The following STXBP6 variants were observed in gnomAD, a reference collection of about 807,000 sequenced individuals.
STXBP6 encodes the protein syntaxin binding protein 6, also known as syntaxin-binding protein 6.
In STXBP6, 21 loss-of-function variants were observed where a neutral mutation model predicts 26.9. The ratio of observed to expected loss-of-function variants is 0.78; its 90% CI spans 0.55 to 1.12. STXBP6 has a LOEUF of 1.12. Among genes scored for constraint, STXBP6 ranks in the 50% most tolerant of loss-of-function variants. The pLI is 0.00. For missense variants in STXBP6, 232 were observed against 257.9 expected, an observed-to-expected ratio of 0.90 and a Z score of 0.69; for synonymous variants, 97 against 92.6, an observed-to-expected ratio of 1.05 and a Z score of -0.27.
At chr14:24,997,474 A>C (rs17109468) in intron 1 of STXBP6, among the ~76,000 whole-genome samples, 18,527 of 152,062 alleles carry the variant, frequency 0.12, 1,254 homozygotes, top group African/African-American at 0.19. Context: ...ATATTTTGCA[A>C]CTTCTATCAG....
intron 2 of STXBP6, among the ~76,000 whole-genome samples, chr14:24,964,026 A>G (rs1007761844): frequency 4.7e-5 from 7 of 150,444 alleles, no homozygotes; most frequent in African/African-American, 1.7e-4. Flanking sequence ...TATAATCCAG[A>G]GTGAACGTGT....
chr14:24,947,363 G>A (rs1288658833), intron 2 of STXBP6, among the ~76,000 whole-genome samples: 1 of 152,224 alleles, frequency 6.6e-6, no homozygotes, highest in African/African-American at 2.4e-5. Context: ...AATAGGGACT[G>A]AGAGCACAAC....
intron 1 of STXBP6, among the ~76,000 whole-genome samples, chr14:24,988,521 A>T (rs2074389274): frequency 6.6e-6 from 1 of 152,204 alleles, no homozygotes; most frequent in African/African-American, 2.4e-5. Flanking sequence ...CTACCCTTGA[A>T]ATGTAATTAA....
At chr14:24,885,434 A>G (rs1291599171) in intron 2 of STXBP6, among the ~76,000 whole-genome samples, 2 of 152,224 alleles carry the variant, frequency 1.3e-5, no homozygotes, top group Admixed American at 1.3e-4. Context: ...CAGGCTTGCT[A>G]CAGGAGAGCC....
chr14:24,833,061 C>T lies in STXBP6; in HGVS notation c.452-13867G>A, dbSNP rs372607476. Among the ~76,000 whole-genome samples, 112 of 152,332 alleles carry T rather than the reference C, an allele frequency of 7.4e-4. 1 individual carries two copies. Among genetic ancestry groups the T allele is most frequent in the African/African-American group, 2.6e-3 (107 of 41,576 alleles). On this transcript the variant is annotated intron_variant, in intron 4 of 5. Transcript: ENST00000323944. ...GAATTCCAGTCTGGTTGACTCCAAA[C>T]ATCAGTCTTCTCTTTCATATCATGA...
At chr14:25,042,644 A>C (rs2075662552) in intron 1 of STXBP6, among the ~76,000 whole-genome samples, 1 of 152,230 alleles carries the variant, frequency 6.6e-6, no homozygotes, top group Non-Finnish European at 1.5e-5. Context: ...TTCCGAAGCC[A>C]TCTTCTCTAA....
Position 24,855,873 on chromosome 14 carries a change from C to T in STXBP6, c.451+63G>A, listed in dbSNP as rs958106762. The T allele has an allele frequency of 6.7e-6, 10 of 1,488,516 alleles. No homozygotes were observed. The African/African-American group carries it at 1.3e-4, about 19-fold the overall frequency. 92.2% of individuals were successfully genotyped at this position (1,488,516 alleles called of 1,614,324 possible). On this transcript the variant is annotated intron_variant, in intron 4 of 5. Transcript: ENST00000323944. ...TTTAATTATGCTGCTGAACTCCTAA[C>T]TTCTTAAGTAAAAGTGAGTCTAAAG...
At chr14:24,899,780 C>CAAAAAAAAAAAAAAAAAAAAAAAAAAAA (rs58367371) in intron 2 of STXBP6, among the ~76,000 whole-genome samples, 1 of 46,876 alleles carries the variant, frequency 2.1e-5, no homozygotes. Flanking sequence ...GACTACATTT[C>CAAAAAAAAAAAAAAAAAAAAAAAAAAAA]AAAAAAAAAA....
chr14:24,996,798 T>C (rs1595280219), intron 1 of STXBP6, among the ~76,000 whole-genome samples: 1 of 134,346 alleles, frequency 7.4e-6, no homozygotes, highest in Admixed American at 8.7e-5. Context: ...GAGGCTGCGG[T>C]GAGCCAAGAT....
intron 4 of STXBP6, among the ~76,000 whole-genome samples, chr14:24,827,353 C>A (rs994024920): frequency 6.6e-6 from 1 of 152,170 alleles, no homozygotes; most frequent in Non-Finnish European, 1.5e-5. Context: ...ATTCATTCAG[C>A]TCACTTATTA....
At chr14:25,041,940 CAGGGTCTCAA>C (rs145047409) in intron 1 of STXBP6, among the ~76,000 whole-genome samples, 77 of 152,266 alleles carry the variant, frequency 5.1e-4, no homozygotes, top group African/African-American at 1.8e-3. Flanking sequence ...GAAGGTAGAA[CAGGGTCTCAA>C]AGGGTACAAT....
intron 4 of STXBP6, among the ~76,000 whole-genome samples, chr14:24,830,515 T>C (rs1050930486): frequency 3.9e-5 from 6 of 152,104 alleles, no homozygotes; most frequent in Non-Finnish European, 7.4e-5. Flanking sequence ...GGGTAGGTAA[T>C]AGTGGTGCAA....
intron 2 of STXBP6, among the ~76,000 whole-genome samples, chr14:24,955,966 G>A (rs1301519393): frequency 6.6e-6 from 1 of 152,176 alleles, no homozygotes; most frequent in Non-Finnish European, 1.5e-5. Flanking sequence ...AGATCACACA[G>A]CTGGTGTCGG....
intron 1 of STXBP6, among the ~76,000 whole-genome samples, chr14:25,002,809 C>G (rs1441019614): frequency 6.6e-6 from 1 of 152,150 alleles, no homozygotes; most frequent in East Asian, 1.9e-4. Flanking sequence ...CTCTTGTTGC[C>G]CAGGCTGGGC....
chr14:24,925,837 G>A lies in STXBP6; in HGVS notation c.154+48828C>T, dbSNP rs529613826. 9.2e-5 allele frequency among the ~76,000 whole-genome samples: 14 copies of A among 152,268 alleles called. 1 individual carries two copies. In the South Asian group the frequency reaches 2.9e-3, roughly 32 times the overall value. On this transcript the variant is annotated intron_variant, in intron 2 of 5. Coordinates refer to ENST00000323944, the MANE Select transcript of STXBP6 (RefSeq NM_001394410.1). ...CTCCCCCCTACACAAAAATGGGAAA[G>A]GGAGAAGAATTTGACTAAAGACCAA...
intron 2 of STXBP6, among the ~76,000 whole-genome samples, chr14:24,911,927 C>T (rs533186512): frequency 7.2e-5 from 11 of 152,148 alleles, no homozygotes; most frequent in Admixed American, 4.6e-4. Flanking sequence ...TCTCCAGTCA[C>T]GGAGAGTTAC....
At chr14:25,026,131 C>T (rs1012554525) in intron 1 of STXBP6, among the ~76,000 whole-genome samples, 1 of 152,152 alleles carries the variant, frequency 6.6e-6, no homozygotes, top group Non-Finnish European at 1.5e-5. Flanking sequence ...GAGCACTGAA[C>T]TTCTGTAGGA....
At chr14:24,969,596 A>G (rs1001701833) in intron 2 of STXBP6, among the ~76,000 whole-genome samples, 2 of 152,238 alleles carry the variant, frequency 1.3e-5, no homozygotes, top group Admixed American at 6.5e-5. Context: ...GGTATGTAGT[A>G]AACAAAAAAC....
At chr14:24,859,472 A>G (rs540614947) in intron 2 of STXBP6, among the ~76,000 whole-genome samples, 1 of 152,214 alleles carries the variant, frequency 6.6e-6, no homozygotes, top group African/African-American at 2.4e-5. Context: ...AAACACTTGC[A>G]CACACACACA....
Sources: allele counts gnomAD v4.1 joint callset (sites outside exome capture counted in the v4.1 genomes callset), GRCh38; gene constraint gnomAD v4.1.1; transcripts MANE v1.5; gene names NCBI Gene and HGNC (gene_info 2026-07-23, HGNC 2026-07-21).